Variants in MDH1 observed in about 807,000 individuals in gnomAD.
MDH1 encodes the protein malate dehydrogenase 1.
Under a neutral mutation model 38.7 loss-of-function variants are expected in MDH1, and 15 were observed. The observed-to-expected ratio is 0.39, with a 90% CI of 0.26 to 0.60. The LOEUF is 0.60. MDH1 is among the 20% of genes least tolerant of loss of function. MDH1 has a pLI of 0.56. For synonymous variants in MDH1, 144 were observed against 143.6 expected, an observed-to-expected ratio of 1.00 and a Z score of -0.02; for missense variants, 368 against 405.2, an observed-to-expected ratio of 0.91 and a Z score of 0.79.
intron 5 of MDH1, 53 bp from the exon 6 acceptor site, chr2:63,604,643 T>C (rs778826113): frequency 5.7e-5 from 83 of 1,448,928 alleles, no homozygotes; most frequent in South Asian, 1.6e-4. Context: ...CAGGTCCCAA[T>C]TGGAAATAAA....
intron 4 of MDH1, among the ~76,000 whole-genome samples, chr2:63,598,735 G>T (rs1411437335): frequency 6.6e-6 from 1 of 152,096 alleles, no homozygotes; most frequent in Non-Finnish European, 1.5e-5. Flanking sequence ...AAGATTAGAA[G>T]ATTGTTCAGA....
At chr2:63,605,917 T>C (rs778854977) in intron 7 of MDH1, 22 bp from the exon 8 acceptor site, 9 of 1,583,384 alleles carry the variant, frequency 5.7e-6, no homozygotes, top group Admixed American at 1.7e-5. Context: ...ATCATGAGTA[T>C]GTGAAACATT....
At chr2:63,597,233 T>C (rs1709330951) in intron 3 of MDH1, 166 bp from the exon 4 acceptor site, 3 of 943,832 alleles carry the variant, frequency 3.2e-6, no homozygotes, top group Non-Finnish European at 3.8e-6. Flanking sequence ...AATGTTATGA[T>C]TGTTAAATTA....
rs1709452776 is a variant in MDH1 at position 63,602,934 on chromosome 2, C to CTTTTGTTTTTTTTT, written c.499-1758_499-1757insGTTTTTTTTTTTTT. Among the ~76,000 whole-genome samples, 14 of 131,620 alleles carry CTTTTGTTTTTTTTT rather than the reference C, an allele frequency of 1.1e-4. 1 individual carries two copies. The highest frequency in any genetic ancestry group is 1.8e-4 in the Non-Finnish European group (11 of 59,608). 86.3% of individuals were successfully genotyped at this position (131,620 alleles called of 152,430 possible). On this transcript the variant is annotated intron_variant, in intron 5 of 8. Transcript: ENST00000233114. ...ACATAATACAGTTTATTTAACCGTT[C>CTTTTGTTTTTTTTT]TTTTTTTTTTTTTTTTTTTTTTTTT...
intron 1 of MDH1, among the ~76,000 whole-genome samples, chr2:63,591,271 C>T (rs1217923876): frequency 1.3e-5 from 2 of 152,236 alleles, no homozygotes; most frequent in East Asian, 3.8e-4. Flanking sequence ...TCCTGCTTTT[C>T]AACTGCAATG....
chr2:63,599,339 AT>A (rs1709379012), intron 5 of MDH1, 47 bp downstream of exon 5: 2 of 1,565,804 alleles, frequency 1.3e-6, no homozygotes, highest in African/African-American at 2.7e-5. Context: ...ACTTTAAAAC[AT>A]TTTTCTCTCA....
chr2:63,599,389 T>A, intron 5 of MDH1, 97 bp downstream of exon 5: 1 of 1,329,264 alleles, frequency 7.5e-7, no homozygotes, highest in Non-Finnish European at 1.0e-6. Flanking sequence ...GCTTTTTTCT[T>A]GTTTTTGTTT....
Position 63,605,815 on chromosome 2 carries a change from G to A in MDH1, c.790-124G>A, listed in dbSNP as rs1246866102. 4 of 801,300 alleles carry A rather than the reference G, an allele frequency of 5.0e-6. No homozygotes were observed. In the East Asian group the frequency reaches 7.3e-5, roughly 15 times the overall value. 49.6% of individuals were successfully genotyped at this position (801,300 alleles called of 1,614,324 possible). The stretch of plus-strand genomic sequence containing the variant: ...TCACCAGTACCTGGTGCTGATGATA[G>A]TTCCTTACACAGTAATGATGTTATG... On this transcript the variant is annotated intron_variant, in intron 7 of 8. Coordinates refer to ENST00000233114, the MANE Select transcript of MDH1 (RefSeq NM_005917.4).
At chr2:63,589,331 C>T in intron 1 of MDH1, 1 of 1,550,604 alleles carries the variant, frequency 6.4e-7, no homozygotes, top group Middle Eastern at 1.7e-4. Context: ...GGACAAAATG[C>T]GACGCTGCAG....
rs763930644 is a variant in MDH1 at position 63,597,477 on chromosome 2, G to C, written c.278G>C (p.Arg93Thr). Reference sequence around the variant, plus strand: ...ATTCTTGTGGGCTCCATGCCAAGAAGGGAAGGCATGGAGAGAAAAGATTTA... The same window carrying C: ...ATTCTTGTGGGCTCCATGCCAAGAACGGAAGGCATGGAGAGAAAAGATTTA... ...VAILVGSMPR[R>T]EGMERKDLLK... Residue 93 changes from arginine (R) to threonine (T), a missense_variant, in exon 4 of 9, where the codon AGG becomes ACG. Physicochemically the swap from Arg to Thr is moderately conservative, Grantham distance 71. Transcript: ENST00000233114. 5.3e-6 allele frequency: 8 copies of C among 1,519,236 alleles called. No individual in the cohort carries two copies. The South Asian group carries it at 9.1e-5, about 17-fold the overall frequency. 94.1% of individuals were successfully genotyped at this position (1,519,236 alleles called of 1,614,324 possible).
chr2:63,602,831 G>C (rs933935773), intron 5 of MDH1, among the ~76,000 whole-genome samples: 1 of 151,904 alleles, frequency 6.6e-6, no homozygotes, highest in Non-Finnish European at 1.5e-5. Context: ...ATGCCTTTAA[G>C]ATCCATCCAG....
intron 1 of MDH1, chr2:63,594,286 T>C: frequency 1.5e-6 from 1 of 676,874 alleles, no homozygotes; most frequent in African/African-American, 1.8e-5. Context: ...AGGATAACAC[T>C]TTTAGCTCCC....
At chr2:63,599,329 A>T (rs1027862483) in intron 5 of MDH1, 37 bp downstream of exon 5, 1 of 1,582,520 alleles carries the variant, frequency 6.3e-7, no homozygotes, top group Non-Finnish European at 8.6e-7. Context: ...TGGTTGTTCA[A>T]CTTTAAAACA....
chr2:63,595,074 G>A (rs1479798297), intron 2 of MDH1: 5 of 332,686 alleles, frequency 1.5e-5, no homozygotes, highest in Admixed American at 1.4e-4. Context: ...ATTCTTTCAT[G>A]TCAGATACTG....
Position 63,597,510 on chromosome 2 carries a change from C to T in MDH1, c.311C>T (p.Ala104Val). 6.6e-7 allele frequency: 1 copy of T among 1,514,330 alleles called. No individual in the cohort carries two copies. The allele number at this position is 1,514,330 out of a possible 1,614,324, so 93.8% of individuals were successfully genotyped here. A position where few individuals can be genotyped will look rare whatever the true frequency, so the allele number is the denominator to read the frequency against. The change falls in exon 4 of 9, where the codon GCA becomes GTA. Residue 104 changes from alanine to valine, a missense_variant. Physicochemically the swap from Ala to Val is moderately conservative, Grantham distance 64. Coordinates refer to ENST00000233114, the MANE Select transcript of MDH1 (RefSeq NM_005917.4). ...ATGGAGAGAAAAGATTTACTGAAAG[C>T]AAATGTGAAAATCTTCAAATCCCAG... ...EGMERKDLLK[A>V]NVKIFKSQGA... is the part of the protein sequence containing the mutation.
intron 1 of MDH1, chr2:63,589,429 C>T (rs1709108464): frequency 3.3e-6 from 5 of 1,522,618 alleles, no homozygotes; most frequent in African/African-American, 2.8e-5. Context: ...CCTTTTTCTC[C>T]TCATTTGCCC....
intron 1 of MDH1, among the ~76,000 whole-genome samples, chr2:63,594,039 C>T (rs1709255041): frequency 6.6e-6 from 1 of 152,180 alleles, no homozygotes; most frequent in African/African-American, 2.4e-5. Flanking sequence ...GATTAATTGT[C>T]TTATTTAAAT....
chr2:63,597,345 A>G, intron 3 of MDH1, 54 bp from the exon 4 acceptor site: 1 of 1,318,806 alleles, frequency 7.6e-7, no homozygotes, highest in Non-Finnish European at 9.8e-7. Context: ...TGAAAAAGAA[A>G]ACTTCAAACT....
chr2:63,595,625 GA>G (rs1258595508), intron 3 of MDH1, 106 bp downstream of exon 3: 5 of 704,684 alleles, frequency 7.1e-6, no homozygotes, highest in Non-Finnish European at 1.2e-5. Context: ...TTCATAAGAG[GA>G]TTTTTTTATT....
Sources: gnomAD v4.1 joint callset for allele counts (sites outside exome capture counted in the v4.1 genomes callset) on GRCh38, gnomAD v4.1.1 for gene constraint, MANE v1.5 for transcripts, NCBI Gene and HGNC (gene_info 2026-07-23, HGNC 2026-07-21) for gene names.